ALYREF: variants seen among roughly 807,000 people sequenced by gnomAD.
ALYREF encodes the protein Aly/REF export factor.
In ALYREF, 1 loss-of-function variant was observed where a neutral mutation model predicts 25.2. That is an observed-to-expected ratio of 0.04 (90% CI 0.01 to 0.19). ALYREF has a LOEUF of 0.19. Among genes scored for constraint, ALYREF ranks in the 10% least tolerant of loss-of-function variants. The pLI, the probability that ALYREF is intolerant of heterozygous loss-of-function variation, is 1.00. For synonymous variants in ALYREF, 193 were observed against 153.5 expected, an observed-to-expected ratio of 1.26 and a Z score of -1.90; for missense variants, 328 against 375.6, an observed-to-expected ratio of 0.87 and a Z score of 1.05.
At position 81,888,463 on chromosome 17, in the gene ALYREF, A is replaced by G. The variant is rs1398378492; in HGVS notation, c.603-45T>C. 2 of 1,604,648 alleles carry G rather than the reference A, an allele frequency of 1.2e-6. No homozygotes were observed. Among genetic ancestry groups the G allele is most frequent in the African/African-American group, 2.7e-5 (2 of 74,890 alleles). ...CGTTCACACACCCGGAAGGACCCTA[A>G]GAGCGACGCAGCCTCACCCTCGGCC... On this transcript the variant is annotated intron_variant, in intron 4 of 5. Coordinates refer to ENST00000505490, the MANE Select transcript of ALYREF (RefSeq NM_005782.4). The surrounding 1 kb of genome is among the most constrained non-coding windows in gnomAD (Gnocchi z 5.8).
intron 2 of ALYREF, chr17:81,890,115 G>A (rs2039487800): frequency 6.6e-6 from 1 of 152,218 alleles, no homozygotes. Flanking sequence ...CAGAAAACAA[G>A]TTGAAATGCC....
chr17:81,890,351 G>A (rs933394736), intron 2 of ALYREF, among the ~76,000 whole-genome samples: 3 of 152,038 alleles, frequency 2.0e-5, no homozygotes, highest in Non-Finnish European at 4.4e-5. Flanking sequence ...ACTAAGACAG[G>A]CACAAAATTT....
chr17:81,891,435 G>A lies in ALYREF; in HGVS notation c.146C>T (p.Ala49Val). ...TCGATTCACTCGCGCGGCGGCCTGC[G>A]CCCCACCGCCGCGGCCGCCCTGGGA... Reference protein sequence around the residue: ...AGSQGGRGGGAQAAARVNRGG... With the variant: ...AGSQGGRGGGVQAAARVNRGG... Residue 49 changes from alanine (A) to valine (V), a missense_variant, in exon 1 of 6, where the codon GCG becomes GTG. Transcript: ENST00000505490. 1 of 1,013,688 alleles carries A rather than the reference G, an allele frequency of 9.9e-7. No homozygotes were observed. The highest frequency in any genetic ancestry group is 1.2e-6 in the Non-Finnish European group (1 of 852,514). The allele number at this position is 1,013,688 out of a possible 1,614,324, so 62.8% of individuals were successfully genotyped here. A position where few individuals can be genotyped will look rare whatever the true frequency, so the allele number is the denominator to read the frequency against.
At position 81,888,283 on chromosome 17, in the gene ALYREF, C is replaced by T. The variant is rs1344604461; in HGVS notation, c.738G>A (p.Ser246=). The stretch of plus-strand genomic sequence containing the variant: ...CCAGCTGGGCATCCAGCTCCTCTGC[C>T]GAAAGCTGCTGCTTTGAATTCCTGC... ...GAGRNSKQQL[S]AEELDAQLDA... Residue 246 remains serine (S), a synonymous_variant, in exon 5 of 6, where the codon TCG becomes TCA. Coordinates refer to ENST00000505490, the MANE Select transcript of ALYREF (RefSeq NM_005782.4). The surrounding 1 kb of genome is among the most constrained non-coding windows in gnomAD (Gnocchi z 5.8). The T allele has an allele frequency of 1.2e-6, 2 of 1,609,442 alleles. No individual in the cohort carries two copies. The highest frequency in any genetic ancestry group is 8.5e-7 in the Non-Finnish European group (1 of 1,178,768).
chr17:81,889,371 T>A (rs541359352), intron 2 of ALYREF, 42 bp from the exon 3 acceptor site: 344 of 1,605,004 alleles, frequency 2.1e-4, no homozygotes, highest in Non-Finnish European at 2.8e-4. Context: ...GCAACAAAAC[T>A]GCGTTCCTTC....
In ALYREF at chr17:81,890,850, CTG is replaced by C. The variant is rs746433232; in HGVS notation, c.259-32_259-31del. 5.6e-6 allele frequency: 9 copies of C among 1,614,010 alleles called. No individual in the cohort carries two copies. In the South Asian group the frequency reaches 7.7e-5, roughly 14 times the overall value. On this transcript the variant is annotated intron_variant, in intron 1 of 5. Coordinates refer to ENST00000505490, the MANE Select transcript of ALYREF (RefSeq NM_005782.4). ...AAAAAAAACCGCAACAAGAGCAGAT[CTG>C]TGAGTCTCAGTCCAGGGCTTTCCTG...
chr17:81,889,118 G>A lies in ALYREF; in HGVS notation c.538+64C>T. On this transcript the variant is annotated intron_variant, in intron 3 of 5. Transcript: ENST00000505490. ...ACAGGGGTACCCCATATTCCTACCT[G>A]GACAGGTGCCAGCCCCAAACTCCAC... is the stretch of plus-strand genomic sequence containing the variant. 6 of 1,595,532 alleles carry A rather than the reference G, an allele frequency of 3.8e-6. No individual in the cohort carries two copies. In the South Asian group the frequency reaches 4.4e-5, roughly 12 times the overall value.
chr17:81,891,575 G>T lies in ALYREF; in HGVS notation c.6C>A (p.Pro2=), dbSNP rs1287840836. M[P]DSAPAMADKM... ...TGTCGGCCATGGCGGGCGCGGAATC[G>T]GGCATCGGCTCGAGCCCGCGCGTCA... is the stretch of plus-strand genomic sequence containing the variant. Residue 2 remains proline (P), a synonymous_variant, in exon 1 of 6, where the codon CCC becomes CCA. Coordinates refer to ENST00000505490, the MANE Select transcript of ALYREF (RefSeq NM_005782.4). 2.1e-6 allele frequency: 3 copies of T among 1,434,088 alleles called. No homozygotes were observed. Among genetic ancestry groups the T allele is most frequent in the Non-Finnish European group, 2.7e-6 (3 of 1,092,240 alleles). 88.8% of individuals were successfully genotyped at this position (1,434,088 alleles called of 1,614,324 possible). A position where few individuals can be genotyped will look rare whatever the true frequency, so the allele number is the denominator to read the frequency against.
At chr17:81,889,449 G>A in intron 2 of ALYREF, 120 bp from the exon 3 acceptor site, 1 of 1,169,438 alleles carries the variant, frequency 8.6e-7, no homozygotes, top group African/African-American at 1.5e-5. Flanking sequence ...AGGCAGGACA[G>A]TGGTTAACGG....
Position 81,888,129 on chromosome 17 carries a change from G to GT in ALYREF, c.*1dup, listed in dbSNP as rs747578388. The GT allele has an allele frequency of 6.2e-7, 1 of 1,614,146 alleles. No homozygotes were observed. Among genetic ancestry groups the GT allele is most frequent in the Non-Finnish European group, 8.5e-7 (1 of 1,180,026 alleles). The stretch of plus-strand genomic sequence containing the variant: ...GTTCCGCACGCGGATTTGCTGGTCT[G>GT]TTTAACTGGTGTCCATCTGAAACAC... On this transcript the variant is annotated 3_prime_UTR_variant, in exon 6 of 6. Transcript: ENST00000505490. The surrounding 1 kb of genome is among the most constrained non-coding windows in gnomAD (Gnocchi z 5.8).
chr17:81,887,837 C>A lies in ALYREF; in HGVS notation c.*294G>T. ...CAACAGTGGGACGAATCAAACAGTTCCAGTTCTACACACATTTCTATTTTA... is the reference window on the plus strand; with the variant it reads ...CAACAGTGGGACGAATCAAACAGTTACAGTTCTACACACATTTCTATTTTA... On this transcript the variant is annotated 3_prime_UTR_variant, in exon 6 of 6. Transcript: ENST00000505490. 3.7e-6 allele frequency: 1 copy of A among 272,880 alleles called. No homozygotes were observed. Among genetic ancestry groups the A allele is most frequent in the Non-Finnish European group, 6.9e-6 (1 of 145,676 alleles). 16.9% of individuals were successfully genotyped at this position (272,880 alleles called of 1,614,324 possible).
chr17:81,890,562 C>T, intron 2 of ALYREF, 127 bp downstream of exon 2: 1 of 1,423,018 alleles, frequency 7.0e-7, no homozygotes, highest in South Asian at 1.3e-5. Flanking sequence ...TGGGTCTGTC[C>T]TGCAGCCCTT....
Position 81,891,396 on chromosome 17 carries a change from A to C in ALYREF, c.185T>G (p.Ile62Ser). 10 of 1,089,672 alleles carry C rather than the reference A, an allele frequency of 9.2e-6. No individual in the cohort carries two copies. Among genetic ancestry groups the C allele is most frequent in the Non-Finnish European group, 1.1e-5 (10 of 899,054 alleles). The allele number at this position is 1,089,672 out of a possible 1,614,324, so 67.5% of individuals were successfully genotyped here. A position where few individuals can be genotyped will look rare whatever the true frequency, so the allele number is the denominator to read the frequency against. Residue 62 changes from isoleucine (I) to serine (S), a missense_variant, in exon 1 of 6, where the codon ATC (isoleucine) becomes AGC (serine). Transcript: ENST00000505490. ...AARVNRGGGP[I>S]RNRPAIARGA... is the part of the protein sequence containing the mutation. The stretch of plus-strand genomic sequence containing the variant: ...GCGGGCGATGGCCGGCCGGTTCCGG[A>C]TGGGCCCGCCGCCTCGATTCACTCG...
In ALYREF at chr17:81,889,371, T is replaced by C. The variant is rs541359352; in HGVS notation, c.391-42A>G. 3.1e-6 allele frequency: 5 copies of C among 1,605,006 alleles called. No homozygotes were observed. The Admixed American group carries it at 6.7e-5, about 21-fold the overall frequency. On this transcript the variant is annotated intron_variant, in intron 2 of 5. Transcript: ENST00000505490. ...GCAGTTGTCAGAAAAGCAACAAAAC[T>C]GCGTTCCTTCTGGTGGCCCAGGGAC...
chr17:81,888,823 G>C lies in ALYREF; in HGVS notation c.539-240C>G. 1 of 1,421,892 alleles carries C rather than the reference G, an allele frequency of 7.0e-7. No individual in the cohort carries two copies. Among genetic ancestry groups the C allele is most frequent in the Non-Finnish European group, 9.2e-7 (1 of 1,090,890 alleles). 88.1% of individuals were successfully genotyped at this position (1,421,892 alleles called of 1,614,324 possible). On this transcript the variant is annotated intron_variant, in intron 3 of 5. Transcript: ENST00000505490. The surrounding 1 kb of genome is among the most constrained non-coding windows in gnomAD (Gnocchi z 5.8). ...TAGGTGGGCTGCTCGCTGAGGTATC[G>C]GGGTGCTCGTGGGTGGAGAGGTGTG...
chr17:81,890,699 G>A lies in ALYREF; in HGVS notation c.380C>T (p.Ala127Val), dbSNP rs747276809. The change falls in exon 2 of 6, where the codon GCC becomes GTC. Residue 127 changes from alanine to valine, a missense_variant. Physicochemically the swap from Ala to Val is moderately conservative, Grantham distance 64. Around this residue, in one of 3 missense-constraint regions of ALYREF, gnomAD observed 70 missense variants for 129.9 expected, o/e 0.54. Coordinates refer to ENST00000505490, the MANE Select transcript of ALYREF (RefSeq NM_005782.4). ...VSNLDFGVSDADIQELFAEFG... is the reference protein window; with the variant it reads ...VSNLDFGVSDVDIQELFAEFG... ...GCCCTCGTCTCTTACCTGAATATCG[G>A]CGTCTGAGACTCCAAAATCCAGATT... The A allele has an allele frequency of 6.2e-7, 1 of 1,613,814 alleles. No individual in the cohort carries two copies. The highest frequency in any genetic ancestry group is 8.5e-7 in the Non-Finnish European group (1 of 1,179,988).
chr17:81,888,439 G>A lies in ALYREF; in HGVS notation c.603-21C>T, dbSNP rs556542800. On this transcript the variant is annotated intron_variant, in intron 4 of 5. Transcript: ENST00000505490. The surrounding 1 kb of genome is among the most constrained non-coding windows in gnomAD (Gnocchi z 5.8). ...TTACGCTAGCAAGGAAGACGAAACC[G>A]TTCACACACCCGGAAGGACCCTAAG... 31 of 1,600,250 alleles carry A rather than the reference G, an allele frequency of 1.9e-5. No individual in the cohort carries two copies. The highest frequency in any genetic ancestry group is 5.4e-5 in the African/African-American group (4 of 74,666).
rs143639770 is a variant in ALYREF, at chr17:81,890,773, G to A, written c.306C>T (p.Gly102=). The change falls in exon 2 of 6, where the codon GGC becomes GGT. Residue 102 remains glycine, a synonymous_variant. Transcript: ENST00000505490. ...TCTCCACGCCGGCACCACCGCCGAA[G>A]CCACTGTCGAAAAGATCGTGCTGCC... ...DKWQHDLFDS[G]FGGGAGVETG... 1.3e-5 allele frequency: 21 copies of A among 1,614,040 alleles called. No homozygotes were observed. The highest frequency in any genetic ancestry group is 2.2e-5 in the South Asian group (2 of 91,084).
Position 81,891,366 on chromosome 17 carries a change from G to C in ALYREF, c.215C>G (p.Ala72Gly). 1 of 1,149,774 alleles carries C rather than the reference G, an allele frequency of 8.7e-7. No individual in the cohort carries two copies. The highest frequency in any genetic ancestry group is 1.1e-6 in the Non-Finnish European group (1 of 933,896). The allele number at this position is 1,149,774 out of a possible 1,614,324, so 71.2% of individuals were successfully genotyped here. ...IRNRPAIARG[A>G]AGGGGRNRPA... Reference sequence around the variant, plus strand: ...TCGGTTCCTGCCGCCTCCGCCGGCCGCGCCGCGGGCGATGGCCGGCCGGTT... The same window carrying C: ...TCGGTTCCTGCCGCCTCCGCCGGCCCCGCCGCGGGCGATGGCCGGCCGGTT... The change falls in exon 1 of 6, where the codon GCG becomes GGG. Residue 72 changes from alanine to glycine, a missense_variant. Ala to Gly is a moderately conservative substitution (Grantham distance 60). Coordinates refer to ENST00000505490, the MANE Select transcript of ALYREF (RefSeq NM_005782.4).
Sources: gnomAD v4.1 joint callset for allele counts (sites outside exome capture counted in the v4.1 genomes callset) on GRCh38, gnomAD v4.1.1 for gene constraint, gnomAD v4.1.1 regional missense constraint, Gnocchi (gnomAD v3.1) non-coding constraint, MANE v1.5 for transcripts, NCBI Gene and HGNC (gene_info 2026-07-23, HGNC 2026-07-21) for gene names.